TTLL4: variants seen among roughly 807,000 people sequenced by gnomAD.
TTLL4 encodes the protein tubulin tyrosine ligase like 4, also known as tubulin monoglutamylase TTLL4.
Under a neutral mutation model 122.7 loss-of-function variants are expected in TTLL4, and 85 were observed. The ratio of observed to expected loss-of-function variants is 0.69; its 90% confidence interval spans 0.58 to 0.83. The LOEUF is 0.83. Ranked by LOEUF, TTLL4 falls within the 40% of genes least tolerant of loss-of-function variation. The pLI is 0.00. For missense variants in TTLL4, 1,363 were observed against 1,488.6 expected (o/e 0.92, Z 1.39); for synonymous variants, 553 against 563.0 (o/e 0.98, Z 0.25).
At chr2:218,742,505 G>A (rs1444136664) in intron 5 of TTLL4, among the ~76,000 whole-genome samples, 1 of 152,076 alleles carries the variant, frequency 6.6e-6, no homozygotes, top group East Asian at 1.9e-4. Context: ...TTTAGAGATG[G>A]AAGCCATCAA....
downstream of TTLL4, among the ~76,000 whole-genome samples, chr2:218,755,619 G>A (rs960767789): frequency 5.9e-5 from 9 of 152,092 alleles, no homozygotes; most frequent in African/African-American, 2.2e-4. Context: ...CTCCTCCCCA[G>A]CCCCTGTAGT....
chr2:218,741,317 A>C (rs1011075622), intron 5 of TTLL4, among the ~76,000 whole-genome samples: 8 of 152,226 alleles, frequency 5.3e-5, no homozygotes, highest in African/African-American at 1.9e-4. Flanking sequence ...GAGCCACTGC[A>C]CCTGGCCCTA....
intron 8 of TTLL4, chr2:218,746,509 T>G: frequency 4.1e-6 from 2 of 484,686 alleles, no homozygotes; most frequent in Non-Finnish European, 7.4e-6. Context: ...GGTGTAACTC[T>G]GAAATCCTGC....
intron 1 of TTLL4, among the ~76,000 whole-genome samples, chr2:218,719,719 C>T (rs1182041401): frequency 1.3e-5 from 2 of 152,210 alleles, no homozygotes; most frequent in East Asian, 3.8e-4. Flanking sequence ...GAAGGTGAAT[C>T]TCAGGACTTT....
chr2:218,753,762 G>T (rs754444384), intron 19 of TTLL4, 93 bp downstream of exon 19: 836 of 1,380,382 alleles, frequency 6.1e-4, no homozygotes, highest in Non-Finnish European at 8.1e-4. Context: ...AGTGAGATCA[G>T]CATTCTCCAG....
At chr2:218,723,998 GCAAA>G (rs1437052401) in intron 1 of TTLL4, among the ~76,000 whole-genome samples, 1 of 152,162 alleles carries the variant, frequency 6.6e-6, no homozygotes, top group African/African-American at 2.4e-5. Flanking sequence ...CCTGGTTTTA[GCAAA>G]CATTTAGGAA....
intron 14 of TTLL4, among the ~76,000 whole-genome samples, chr2:218,749,789 C>G (rs1244675925): frequency 6.6e-6 from 1 of 152,096 alleles, no homozygotes. Flanking sequence ...TAAGTGGATC[C>G]TTACTGCTTG....
chr2:218,732,084 C>G (rs1942397176), intron 2 of TTLL4, among the ~76,000 whole-genome samples: 2 of 152,184 alleles, frequency 1.3e-5, no homozygotes, highest in Non-Finnish European at 1.5e-5. Context: ...TCCTTGCAAG[C>G]TGCTGATTGG....
Position 218,746,161 on chromosome 2 carries a change from A to G in TTLL4, c.1904A>G (p.Asp635Gly). ...CCTGATGTACCTCCCATAGGAAACG[A>G]TGACTGGCTGGGCTGCTGGGGTCAC... ...RSHFKISKRN[D>G]DWLGCWGHHM... The change falls in exon 8 of 20, where the codon GAT becomes GGT. Residue 635 changes from aspartate (D) to glycine (G), a missense_variant. Asp to Gly is a moderately conservative substitution (Grantham distance 94). Around this residue, in one of 3 missense-constraint regions of TTLL4, gnomAD observed 760 missense variants for 808.4 expected, o/e 0.94. Coordinates refer to ENST00000392102, the MANE Select transcript of TTLL4 (RefSeq NM_014640.5). 6.2e-7 allele frequency: 1 copy of G among 1,614,158 alleles called. No homozygotes were observed. Among genetic ancestry groups the G allele is most frequent in the Non-Finnish European group, 8.5e-7 (1 of 1,180,018 alleles).
chr2:218,730,350 GAA>G (rs1469115568), intron 2 of TTLL4, among the ~76,000 whole-genome samples: 2 of 67,788 alleles, frequency 3.0e-5, no homozygotes, highest in Non-Finnish European at 6.7e-5. Context: ...AAAAAAAAAA[GAA>G]AAAAAATTAG....
intron 7 of TTLL4, 93 bp downstream of exon 7, chr2:218,745,894 C>T (rs866920616): frequency 2.4e-5 from 29 of 1,213,104 alleles, no homozygotes; most frequent in South Asian, 3.8e-5. Flanking sequence ...GTGCCTATGT[C>T]GGGGCAGCTG....
At chr2:218,728,542 TG>T (rs1331540223) in intron 2 of TTLL4, among the ~76,000 whole-genome samples, 1 of 152,220 alleles carries the variant, frequency 6.6e-6, no homozygotes. Flanking sequence ...CTGTGTGGCC[TG>T]GTTTCCTAAC....
chr2:218,749,358 C>T lies in TTLL4; in HGVS notation c.2706C>T (p.Pro902=), dbSNP rs776330053. Residue 902 remains proline, a synonymous_variant, in exon 14 of 20, where the codon CCC becomes CCT. Coordinates refer to ENST00000392102, the MANE Select transcript of TTLL4 (RefSeq NM_014640.5). The part of the protein sequence containing the change: ...FDIMLDENLK[P]WVLEVNISPS... ...TCATGCTAGACGAAAACCTCAAGCC[C>T]TGGGTCCTGGAAGTCAACATTTCCC... 1.2e-5 allele frequency: 20 copies of T among 1,614,062 alleles called. No homozygotes were observed. The South Asian group carries it at 2.2e-4, about 18-fold the overall frequency.
chr2:218,710,993 T>A lies in TTLL4; in HGVS notation c.-222T>A, dbSNP rs1295969858. On this transcript the variant is annotated 5_prime_UTR_variant, in exon 1 of 20. Transcript: ENST00000392102. The stretch of plus-strand genomic sequence containing the variant: ...TAGCCCAGCAGGCCGAGGGAGGAAG[T>A]AGCGTGGAGCCGGTGCCGAGCCGGG... 1 of 152,420 alleles carries A rather than the reference T, an allele frequency of 6.6e-6. No homozygotes were observed. Among genetic ancestry groups the A allele is most frequent in the African/African-American group, 2.4e-5 (1 of 41,438 alleles). The allele number at this position is 152,420 out of a possible 1,614,324, so 9.4% of individuals were successfully genotyped here. A position where few individuals can be genotyped will look rare whatever the true frequency, so the allele number is the denominator to read the frequency against.
chr2:218,737,821 G>T lies in TTLL4; in HGVS notation c.145G>T (p.Val49Leu). The stretch of plus-strand genomic sequence containing the variant: ...AGTCTGGCCTCAGGCCCATCAGCAA[G>T]TGAAGCCAATCTGGAAGCTGGAAAA... Reference protein sequence around the residue: ...GRVWPQAHQQVKPIWKLEKKQ... With the variant: ...GRVWPQAHQQLKPIWKLEKKQ... The change falls in exon 3 of 20, where the codon GTG becomes TTG. Residue 49 changes from valine to leucine, a missense_variant. By Grantham distance (32) the Val-to-Leu change is conservative (BLOSUM62 1). This residue lies in a region of TTLL4 where 760 missense variants were observed against 808.4 expected (regional missense o/e 0.94). Coordinates refer to ENST00000392102, the MANE Select transcript of TTLL4 (RefSeq NM_014640.5). 6.2e-7 allele frequency: 1 copy of T among 1,614,264 alleles called. No homozygotes were observed. Among genetic ancestry groups the T allele is most frequent in the Non-Finnish European group, 8.5e-7 (1 of 1,180,052 alleles).
At chr2:218,715,547 C>T (rs1440417301) in intron 1 of TTLL4, among the ~76,000 whole-genome samples, 1 of 152,180 alleles carries the variant, frequency 6.6e-6, no homozygotes, top group Non-Finnish European at 1.5e-5. Flanking sequence ...TGAGTATTCT[C>T]TGCAGTTGCA....
chr2:218,753,480 C>A, intron 18 of TTLL4, 104 bp from the exon 19 acceptor site: 3 of 1,162,364 alleles, frequency 2.6e-6, no homozygotes, highest in Non-Finnish European at 3.8e-6. Flanking sequence ...AAGGGGAGAA[C>A]CCCATGATCC....
Position 218,754,720 on chromosome 2 carries a change from G to A in TTLL4, c.*331G>A, listed in dbSNP as rs1453283807. 5.6e-6 allele frequency: 2 copies of A among 354,276 alleles called. No individual in the cohort carries two copies. The highest frequency in any genetic ancestry group is 4.4e-5 in the South Asian group (1 of 22,876). 21.9% of individuals were successfully genotyped at this position (354,276 alleles called of 1,614,324 possible). On this transcript the variant is annotated 3_prime_UTR_variant, in exon 20 of 20. Transcript: ENST00000392102. ...TGAGCCATGTGTGGTTTGTCTGGGG[G>A]CCCTGGTGTGGTTGCTGAGTTGTAG...
chr2:218,749,788 C>G (rs911384229), intron 14 of TTLL4, among the ~76,000 whole-genome samples: 21 of 152,102 alleles, frequency 1.4e-4, no homozygotes, highest in African/African-American at 4.8e-4. Flanking sequence ...TTAAGTGGAT[C>G]CTTACTGCTT....
Sources: allele counts gnomAD v4.1 joint callset (sites outside exome capture counted in the v4.1 genomes callset), GRCh38; gene constraint gnomAD v4.1.1; regional missense constraint gnomAD v4.1.1; transcripts MANE v1.5; gene names NCBI Gene and HGNC (gene_info 2026-07-23, HGNC 2026-07-21).